Variants in ADAMTS14 observed in about 807,000 individuals in gnomAD.
ADAMTS14 encodes A disintegrin and metalloproteinase with thrombospondin motifs 14.
ADAMTS14 carries 100 observed loss-of-function variants against 128.6 expected under a neutral mutation model. The ratio of observed to expected loss-of-function variants is 0.78; its 90% CI spans 0.66 to 0.92. ADAMTS14 has a LOEUF of 0.92. ADAMTS14 is among the 40% of genes least tolerant of loss of function. ADAMTS14 has a pLI of 0.00. For synonymous variants in ADAMTS14, 665 were observed against 653.8 expected (o/e 1.02, Z -0.26); for missense variants, 1,562 against 1,658.6 (o/e 0.94, Z 1.01).
At chr10:70,756,885 C>A (rs928299298) in intron 19 of ADAMTS14, among the ~76,000 whole-genome samples, 2 of 152,154 alleles carry the variant, frequency 1.3e-5, no homozygotes, top group Admixed American at 1.3e-4. Context: ...ACAAGTATGA[C>A]CCTATTCATA....
chr10:70,711,653 G>A (rs566999362), intron 4 of ADAMTS14, among the ~76,000 whole-genome samples: 2 of 152,292 alleles, frequency 1.3e-5, no homozygotes, highest in Middle Eastern at 3.4e-3. Context: ...TTGTTTTTGC[G>A]TGTATAAGTT....
At chr10:70,714,793 C>A (rs1445677806) in intron 4 of ADAMTS14, among the ~76,000 whole-genome samples, 1 of 151,572 alleles carries the variant, frequency 6.6e-6, no homozygotes, top group African/African-American at 2.4e-5. Context: ...ACTAAAAATA[C>A]AAAAATTAGC....
intron 18 of ADAMTS14, among the ~76,000 whole-genome samples, chr10:70,752,755 T>C (rs1842385576): frequency 6.6e-6 from 1 of 152,168 alleles, no homozygotes; most frequent in Admixed American, 6.5e-5. Flanking sequence ...TCCTCCCTGG[T>C]AGGCGTAGGG....
chr10:70,730,292 A>G, intron 6 of ADAMTS14, 43 bp downstream of exon 6: 1 of 1,588,536 alleles, frequency 6.3e-7, no homozygotes, highest in Non-Finnish European at 8.6e-7. Context: ...TGTGTGCAGC[A>G]TGCACGGCAG....
intron 5 of ADAMTS14, among the ~76,000 whole-genome samples, chr10:70,729,791 T>C (rs918595556): frequency 3.9e-5 from 6 of 152,172 alleles, no homozygotes; most frequent in Non-Finnish European, 7.4e-5. Flanking sequence ...AATAAAGCAA[T>C]GAATGCAAAG....
chr10:70,730,001 T>G, intron 5 of ADAMTS14, 101 bp from the exon 6 acceptor site: 1 of 1,420,110 alleles, frequency 7.0e-7, no homozygotes, highest in Admixed American at 2.1e-5. Context: ...TGCAGTCCTC[T>G]GGGCCTTAGC....
Position 70,732,358 on chromosome 10 carries a change from G to T in ADAMTS14, c.1207G>T (p.Val403Leu). Residue 403 changes from valine to leucine, a missense_variant and splice_region_variant, in exon 7 of 22, where the codon GTG becomes TTG. Transcript: ENST00000373207. ...CGTGATAGCTCATGAGACCGGCCAC[G>T]TGTAAGTGGCAGCAGCACGGTGGGT... The part of the protein sequence containing the change: ...AFVIAHETGH[V>L]LGMEHDGQGN... 6.2e-7 allele frequency: 1 copy of T among 1,612,640 alleles called. No homozygotes were observed. Among genetic ancestry groups the T allele is most frequent in the Non-Finnish European group, 8.5e-7 (1 of 1,178,818 alleles).
At position 70,708,746 on chromosome 10, in the gene ADAMTS14, G is replaced by T; in HGVS notation, c.838G>T (p.Val280Leu). The stretch of plus-strand genomic sequence containing the variant: ...GGTTCGCTTCCATGGCAAGGAGCAT[G>T]TGCAGAACTATGTCCTCACCCTCAT... ...SVVRFHGKEH[V>L]QNYVLTLMNI... is the part of the protein sequence containing the mutation. Residue 280 changes from valine to leucine, a missense_variant, in exon 4 of 22, where the codon GTG (valine) becomes TTG (leucine). Transcript: ENST00000373207. The T allele has an allele frequency of 6.3e-7, 1 of 1,595,836 alleles. No homozygotes were observed. The highest frequency in any genetic ancestry group is 8.6e-7 in the Non-Finnish European group (1 of 1,168,694).
intron 12 of ADAMTS14, among the ~76,000 whole-genome samples, chr10:70,742,718 G>A (rs1029848806): frequency 1.3e-5 from 2 of 152,190 alleles, no homozygotes; most frequent in Admixed American, 1.3e-4. Flanking sequence ...ACTGTTAGAC[G>A]AATTCCAGGA....
At chr10:70,709,020 G>A (rs555546288) in intron 4 of ADAMTS14, among the ~76,000 whole-genome samples, 7 of 152,350 alleles carry the variant, frequency 4.6e-5, no homozygotes, top group Admixed American at 4.6e-4. Context: ...GATCCCAGCT[G>A]TACATACCTG....
intron 7 of ADAMTS14, among the ~76,000 whole-genome samples, chr10:70,733,436 A>G (rs72814579): frequency 0.07 from 10,620 of 152,276 alleles, 441 homozygotes; most frequent in Non-Finnish European, 0.095. Flanking sequence ...AATGAGGTTG[A>G]GTTGAGTTGA....
intron 15 of ADAMTS14, among the ~76,000 whole-genome samples, chr10:70,748,422 G>A (rs1009309698): frequency 2.6e-5 from 4 of 152,216 alleles, no homozygotes; most frequent in African/African-American, 4.8e-5. Context: ...GACTGAGAGC[G>A]ATCAGGGAAC....
intron 4 of ADAMTS14, among the ~76,000 whole-genome samples, chr10:70,728,113 T>A (rs1170201501): frequency 3.0e-5 from 4 of 133,786 alleles, no homozygotes; most frequent in East Asian, 2.3e-4. Flanking sequence ...AAAAAAAAAA[T>A]CTTGGCCTCA....
chr10:70,683,321 T>G (rs1839868998), intron 2 of ADAMTS14, among the ~76,000 whole-genome samples: 1 of 152,242 alleles, frequency 6.6e-6, no homozygotes, highest in Non-Finnish European at 1.5e-5. Context: ...CCCGGTTTCC[T>G]GGGAAATACT....
rs1196944598 is a variant in ADAMTS14, at chr10:70,732,445, C to G, written c.1208+86C>G. On this transcript the variant is annotated intron_variant, in intron 7 of 21. Transcript: ENST00000373207. ...TGTGGCTGTGGGAGGATTTGCCCAGCTTGGCCTGGTTCCAGTGTCCTGGGA... is the reference window on the plus strand; with the variant it reads ...TGTGGCTGTGGGAGGATTTGCCCAGGTTGGCCTGGTTCCAGTGTCCTGGGA... 5 of 1,286,820 alleles carry G rather than the reference C, an allele frequency of 3.9e-6. No homozygotes were observed. In the South Asian group the frequency reaches 6.8e-5, roughly 18 times the overall value. 79.7% of individuals were successfully genotyped at this position (1,286,820 alleles called of 1,614,324 possible).
chr10:70,687,155 T>C, intron 2 of ADAMTS14, among the ~76,000 whole-genome samples: 1 of 99,894 alleles, frequency 1.0e-5, no homozygotes, highest in Admixed American at 9.5e-5. Flanking sequence ...GCCCCTCACC[T>C]CCCGGACGGG....
At chr10:70,738,131 C>A (rs1841883983) in intron 10 of ADAMTS14, among the ~76,000 whole-genome samples, 1 of 152,064 alleles carries the variant, frequency 6.6e-6, no homozygotes, top group Non-Finnish European at 1.5e-5. Context: ...CTGAGTTCAT[C>A]TCTTGGGAGA....
intron 4 of ADAMTS14, among the ~76,000 whole-genome samples, chr10:70,727,922 C>T (rs967371367): frequency 6.6e-6 from 1 of 152,134 alleles, no homozygotes; most frequent in East Asian, 1.9e-4. Flanking sequence ...GGTGAAACCC[C>T]GTCTCTACTA....
At chr10:70,699,130 C>G (rs1840421965) in intron 2 of ADAMTS14, among the ~76,000 whole-genome samples, 1 of 152,124 alleles carries the variant, frequency 6.6e-6, no homozygotes, top group South Asian at 2.1e-4. Context: ...TTTTCTTGCT[C>G]CAAGTGGCTC....
Sources: allele counts gnomAD v4.1 joint callset (sites outside exome capture counted in the v4.1 genomes callset), GRCh38; gene constraint gnomAD v4.1.1; transcripts MANE v1.5; gene names NCBI Gene and HGNC (gene_info 2026-07-23, HGNC 2026-07-21).